Variants in OTOG observed in about 807,000 individuals in gnomAD.
OTOG encodes otogelin.
OTOG carries 296 observed loss-of-function variants against 313.8 expected under a neutral mutation model. That is an observed-to-expected ratio of 0.94 (90% CI 0.86 to 1.04). OTOG has a LOEUF of 1.04. Ranked by LOEUF, OTOG falls within the 50% of genes least tolerant of loss-of-function variation. The pLI is 0.00. For synonymous variants in OTOG, 1,533 were observed against 1,554.9 expected (o/e 0.99, Z 0.33); for missense variants, 3,948 against 3,840.1 (o/e 1.03, Z -0.74).
At chr11:17,587,430 A>G (rs185609013) in intron 24 of OTOG, among the ~76,000 whole-genome samples, 3 of 152,300 alleles carry the variant, frequency 2.0e-5, no homozygotes, top group Admixed American at 6.5e-5. Context: ...AATTTGGAGA[A>G]CCAGCTAGGG....
intron 35 of OTOG, 30 bp from the exon 36 acceptor site, chr11:17,609,625 C>A (rs1027563057): frequency 1.4e-5 from 21 of 1,461,114 alleles, no homozygotes; most frequent in Non-Finnish European, 1.9e-5. Context: ...AGTCACCCCG[C>A]CTTCTGAACC....
chr11:17,585,297 C>A (rs1017546788), intron 23 of OTOG, among the ~76,000 whole-genome samples: 1 of 152,132 alleles, frequency 6.6e-6, no homozygotes. Flanking sequence ...CACTTAACAT[C>A]GTACATCATA....
rs1263787971 is a variant in OTOG at position 17,610,615 on chromosome 11, C to T, written c.5315C>T (p.Ala1772Val). The change falls in exon 36 of 56, where the codon GCC becomes GTC. Residue 1772 changes from alanine (A) to valine (V), a missense_variant. Ala to Val is a moderately conservative substitution (Grantham distance 64). Transcript: ENST00000399397. Reference protein sequence around the residue: ...SPALPPETPAAASLSTATDGL... With the variant: ...SPALPPETPAVASLSTATDGL... ...GCTCTGCCCCCAGAGACCCCAGCTG[C>T]CGCCAGCCTGTCAACAGCCACTGAT... The T allele has an allele frequency of 1.9e-6, 3 of 1,550,716 alleles. No individual in the cohort carries two copies. The highest frequency in any genetic ancestry group is 4.9e-5 in the East Asian group (2 of 40,912).
At chr11:17,641,306 G>C (rs1847967593) in intron 51 of OTOG, among the ~76,000 whole-genome samples, 1 of 152,240 alleles carries the variant, frequency 6.6e-6, no homozygotes, top group Admixed American at 6.5e-5. Flanking sequence ...TGCCTGGAAA[G>C]AGTGGGTGTT....
chr11:17,598,977 G>C (rs1364643625), intron 30 of OTOG, among the ~76,000 whole-genome samples: 8 of 152,188 alleles, frequency 5.3e-5, no homozygotes, highest in Admixed American at 4.6e-4. Context: ...GAAGCATGCT[G>C]CTCCTAAGCT....
chr11:17,568,847 C>T (rs146569037), intron 15 of OTOG, among the ~76,000 whole-genome samples: 2 of 152,330 alleles, frequency 1.3e-5, no homozygotes, highest in East Asian at 3.9e-4. Flanking sequence ...GCCAGTGTTT[C>T]TCAGGCTGGA....
intron 17 of OTOG, among the ~76,000 whole-genome samples, chr11:17,571,664 G>A (rs1021067347): frequency 6.6e-6 from 1 of 152,110 alleles, no homozygotes; most frequent in Non-Finnish European, 1.5e-5. Flanking sequence ...AAGAGCTGGG[G>A]GTGGGGAATG....
chr11:17,601,793 A>G (rs925379847), intron 31 of OTOG, among the ~76,000 whole-genome samples: 2 of 152,194 alleles, frequency 1.3e-5, no homozygotes, highest in African/African-American at 4.8e-5. Flanking sequence ...AAACACTAAC[A>G]GGTTTATTGT....
At chr11:17,568,919 C>G (rs1373632806) in intron 15 of OTOG, among the ~76,000 whole-genome samples, 1 of 152,178 alleles carries the variant, frequency 6.6e-6, no homozygotes, top group Non-Finnish European at 1.5e-5. Context: ...AGTTGACTAC[C>G]ATTTTTATTA....
intron 6 of OTOG, among the ~76,000 whole-genome samples, chr11:17,553,939 G>A (rs1852000386): frequency 6.6e-6 from 1 of 152,200 alleles, no homozygotes; most frequent in African/African-American, 2.4e-5. Flanking sequence ...AAACGAACAT[G>A]TCCTGAAAAC....
chr11:17,632,229 G>C lies in OTOG; in HGVS notation c.7072+3G>C. On this transcript the variant is annotated splice_donor_region_variant and intron_variant, in intron 42 of 55. Coordinates refer to ENST00000399397, the MANE Select transcript of OTOG (RefSeq NM_001292063.2). Reference sequence around the variant, plus strand: ...GTGGCGGCGCTCTGACTACTGCCGTGAGTTTGCGGGGCAGGGGGACCCTCC... The same window carrying C: ...GTGGCGGCGCTCTGACTACTGCCGTCAGTTTGCGGGGCAGGGGGACCCTCC... The C allele has an allele frequency of 6.5e-7, 1 of 1,548,562 alleles. No homozygotes were observed. The highest frequency in any genetic ancestry group is 1.7e-4 in the Middle Eastern group (1 of 5,936).
intron 22 of OTOG, 122 bp from the exon 23 acceptor site, chr11:17,578,251 C>G: frequency 7.1e-7 from 1 of 1,405,446 alleles, no homozygotes; most frequent in East Asian, 2.6e-5. Flanking sequence ...TGCCCAGGAG[C>G]GACCAGGGAG....
Position 17,634,074 on chromosome 11 carries a change from A to G in OTOG, c.7273A>G (p.Thr2425Ala), listed in dbSNP as rs1173952106. 1.3e-6 allele frequency: 2 copies of G among 1,545,084 alleles called. No individual in the cohort carries two copies. Among genetic ancestry groups the G allele is most frequent in the Admixed American group, 2.0e-5 (1 of 50,978 alleles). ...LCIPEAKCAC[T>A]DSMGVPRALG... ...CCTGCCATTCCCCTCTGCAGCCTGCACTGACAGCATGGGGGTGCCGAGGGC... is the reference window on the plus strand; with the variant it reads ...CCTGCCATTCCCCTCTGCAGCCTGCGCTGACAGCATGGGGGTGCCGAGGGC... The change falls in exon 44 of 56, where the codon ACT becomes GCT. Residue 2425 changes from threonine to alanine, a missense_variant. Thr to Ala is a moderately conservative substitution (Grantham distance 58, BLOSUM62 0). Coordinates refer to ENST00000399397, the MANE Select transcript of OTOG (RefSeq NM_001292063.2).
rs902011391 is a variant in OTOG at position 17,641,929 on chromosome 11, A to G, written c.8273A>G (p.Asn2758Ser). The G allele has an allele frequency of 7.1e-6, 11 of 1,550,042 alleles. No individual in the cohort carries two copies. The highest frequency in any genetic ancestry group is 1.7e-4 in the Middle Eastern group (1 of 6,012). Residue 2758 changes from asparagine to serine, a missense_variant, in exon 52 of 56, where the codon AAT becomes AGT. Asn to Ser is a conservative substitution (Grantham distance 46). Coordinates refer to ENST00000399397, the MANE Select transcript of OTOG (RefSeq NM_001292063.2). ...GTGTCCTGTCTCTTCACCTTCCCCA[A>G]TGGCACCACCTCCCTGTTCTTGGTA... ...RNVSCLFTFP[N>S]GTTSLFLPGA...
chr11:17,640,805 G>C lies in OTOG; in HGVS notation c.7996G>C (p.Ala2666Pro). ...CAGCGTGGAGAATGTGTGTGGCTGC[G>C]CCAAGTACGAGTGTGGTGAGTGGGG... ...MHSVENVCGC[A>P]KYECVKAPVC... Residue 2666 changes from alanine to proline, a missense_variant, in exon 50 of 56, where the codon GCC (alanine) becomes CCC (proline). By Grantham distance (27) the Ala-to-Pro change is conservative. Coordinates refer to ENST00000399397, the MANE Select transcript of OTOG (RefSeq NM_001292063.2). 6.5e-7 allele frequency: 1 copy of C among 1,550,284 alleles called. No homozygotes were observed. The highest frequency in any genetic ancestry group is 8.7e-7 in the Non-Finnish European group (1 of 1,146,992).
Position 17,645,472 on chromosome 11 carries a change from A to G in OTOG, c.8462-92A>G. 5 of 1,198,108 alleles carry G rather than the reference A, an allele frequency of 4.2e-6. No individual in the cohort carries two copies. The South Asian group carries it at 5.8e-5, about 14-fold the overall frequency. 74.2% of individuals were successfully genotyped at this position (1,198,108 alleles called of 1,614,324 possible). On this transcript the variant is annotated intron_variant, in intron 54 of 55. Coordinates refer to ENST00000399397, the MANE Select transcript of OTOG (RefSeq NM_001292063.2). ...GCTAATGCTGGAAGAGAGACCCTCC[A>G]GCATGACACTAACTGCCCTGGGCTG...
intron 8 of OTOG, among the ~76,000 whole-genome samples, chr11:17,557,651 A>G (rs1319537121): frequency 3.9e-5 from 6 of 152,174 alleles, no homozygotes; most frequent in Admixed American, 3.9e-4. Flanking sequence ...GGCTAGAGAC[A>G]GCCAGGAAGA....
rs1361787150 is a variant in OTOG at position 17,578,497 on chromosome 11, C to A, written c.2730C>A (p.Pro910=). 6.5e-7 allele frequency: 1 copy of A among 1,538,992 alleles called. No homozygotes were observed. Among genetic ancestry groups the A allele is most frequent in the South Asian group, 1.2e-5 (1 of 83,958 alleles). Residue 910 remains proline (P), a synonymous_variant, in exon 23 of 56, where the codon CCC becomes CCA. Coordinates refer to ENST00000399397, the MANE Select transcript of OTOG (RefSeq NM_001292063.2). ...LLNLSVSARG[P]CLSGCACPQG... ...ACCTGAGCGTGTCAGCCCGTGGCCC[C>A]TGCCTCTCGGGCTGCGCCTGTCCCC...
In OTOG at chr11:17,591,498, C is replaced by T. The variant is rs1002956621; in HGVS notation, c.2916C>T (p.Ser972=). The T allele has an allele frequency of 1.3e-6, 2 of 1,550,592 alleles. No homozygotes were observed. The highest frequency in any genetic ancestry group is 1.7e-6 in the Non-Finnish European group (2 of 1,147,044). Residue 972 remains serine, a synonymous_variant, in exon 25 of 56, where the codon TCC becomes TCT. Coordinates refer to ENST00000399397, the MANE Select transcript of OTOG (RefSeq NM_001292063.2). ...AGTGCACCCTGCACCCTTGCGCCTC[C>T]ACCTGCACTGCCTATGGGGACCGGC... ...SFQCTLHPCA[S]TCTAYGDRHY...
Sources: gnomAD v4.1 joint callset for allele counts (sites outside exome capture counted in the v4.1 genomes callset) on GRCh38, gnomAD v4.1.1 for gene constraint, MANE v1.5 for transcripts, NCBI Gene and HGNC (gene_info 2026-07-23, HGNC 2026-07-21) for gene names.